AMMECR1: variants seen among roughly 807,000 people sequenced by gnomAD.
AMMECR1 encodes AMMECR nuclear protein 1, also known as nuclear protein AMMECR1.
AMMECR1 carries 3 observed loss-of-function variants against 22.5 expected under a neutral mutation model. The ratio of observed to expected loss-of-function variants is 0.13; its 90% CI spans 0.06 to 0.35. The LOEUF is 0.35. Among genes scored for constraint, AMMECR1 ranks in the 10% least tolerant of loss-of-function variants. AMMECR1 has a pLI of 1.00. For missense variants in AMMECR1, 235 were observed against 278.7 expected (o/e 0.84, Z 1.12); for synonymous variants, 130 against 116.7 (o/e 1.11, Z -0.74).
intron 1 of AMMECR1, among the ~76,000 whole-genome samples, chrX:110,284,862 A>AC (rs1053660930): frequency 1.9e-4 from 21 of 112,189 alleles, no homozygotes; most frequent in African/African-American, 6.5e-4. Flanking sequence ...GGTAGTCATC[A>AC]CCAGTGATGG....
chrX:110,291,186 C>T (rs1253739712), intron 1 of AMMECR1, among the ~76,000 whole-genome samples: 1 of 110,960 alleles, frequency 9.0e-6, no homozygotes, highest in East Asian at 2.8e-4. Context: ...AAGAAGAAGA[C>T]AGAAGCTTAC....
chrX:110,212,541 T>A (rs759243323), intron 3 of AMMECR1, among the ~76,000 whole-genome samples: 1 of 112,157 alleles, frequency 8.9e-6, no homozygotes, highest in East Asian at 2.8e-4. Context: ...TCTTCAACTT[T>A]AACATTCTGT....
intron 1 of AMMECR1, among the ~76,000 whole-genome samples, chrX:110,273,950 T>C (rs1259681821): frequency 8.9e-6 from 1 of 112,249 alleles, no homozygotes; most frequent in Non-Finnish European, 1.9e-5. Flanking sequence ...TGCTTTAGGA[T>C]TGCTTTGGCT....
At chrX:110,319,523 C>G (rs2068070948), upstream of AMMECR1, among the ~76,000 whole-genome samples, 2 of 112,002 alleles carry the variant, frequency 1.8e-5, no homozygotes, top group African/African-American at 3.3e-5. Context: ...AGTATGCCTC[C>G]CGCTCTAAAA....
At chrX:110,423,383 AAGG>A (rs1273161957) in intron 2 of AMMECR1, among the ~76,000 whole-genome samples, 2 of 110,173 alleles carry the variant, frequency 1.8e-5, no homozygotes, top group African/African-American at 6.6e-5. Context: ...GAAGAAGGAG[AAGG>A]AGAAGGAGAG....
intron 3 of AMMECR1, among the ~76,000 whole-genome samples, chrX:110,206,751 T>C (rs1201712713): frequency 9.0e-6 from 1 of 111,474 alleles, no homozygotes; most frequent in Non-Finnish European, 1.9e-5. Context: ...CTACCTTGGG[T>C]GGCATCCTGT....
chrX:110,252,124 T>A (rs1483841423), intron 2 of AMMECR1, among the ~76,000 whole-genome samples: 1 of 111,469 alleles, frequency 9.0e-6, no homozygotes, highest in African/African-American at 3.3e-5. Flanking sequence ...TATACCCATT[T>A]TACAGATGAG....
chrX:110,341,833 C>T (rs2068165547), intron 2 of AMMECR1, among the ~76,000 whole-genome samples: 1 of 112,145 alleles, frequency 8.9e-6, no homozygotes, highest in Non-Finnish European at 1.9e-5. Context: ...GAGGACGAGG[C>T]AGGTGGATAG....
chrX:110,248,540 G>A (rs2067671156), intron 2 of AMMECR1, among the ~76,000 whole-genome samples: 1 of 111,823 alleles, frequency 8.9e-6, no homozygotes, highest in African/African-American at 3.2e-5. Flanking sequence ...TACCAGTCAC[G>A]GATATATTTG....
chrX:110,362,798 A>G (rs2068272892), intron 2 of AMMECR1, among the ~76,000 whole-genome samples: 1 of 112,136 alleles, frequency 8.9e-6, no homozygotes, highest in African/African-American at 3.2e-5. Flanking sequence ...TCATTATTTT[A>G]TATAGTCTTC....
intron 2 of AMMECR1, among the ~76,000 whole-genome samples, chrX:110,249,713 A>G (rs950468496): frequency 8.9e-6 from 1 of 112,026 alleles, no homozygotes; most frequent in Non-Finnish European, 1.9e-5. Flanking sequence ...TATCCTGGCC[A>G]ACATTGTGAA....
chrX:110,377,474 T>C (rs1038240062), intron 2 of AMMECR1, among the ~76,000 whole-genome samples: 4 of 111,749 alleles, frequency 3.6e-5, no homozygotes, highest in Non-Finnish European at 5.6e-5. Flanking sequence ...GCTTTCTTTT[T>C]TTCTTTTAAT....
chrX:110,297,579 CTTTT>C (rs1047855066), intron 1 of AMMECR1, among the ~76,000 whole-genome samples: 2 of 107,985 alleles, frequency 1.9e-5, no homozygotes, highest in Non-Finnish European at 3.9e-5. Flanking sequence ...ACAAATCTAA[CTTTT>C]TTTTTTAACC....
chrX:110,245,633 ATCT>A (rs761731108), intron 2 of AMMECR1, among the ~76,000 whole-genome samples: 47 of 110,768 alleles, frequency 4.2e-4, no homozygotes, highest in Non-Finnish European at 8.1e-4. Flanking sequence ...TCTAGCCCAA[ATCT>A]TCTTCTTTGT....
chrX:110,331,815 C>G (rs918490213), intron 2 of AMMECR1, among the ~76,000 whole-genome samples: 7 of 111,773 alleles, frequency 6.3e-5, no homozygotes, highest in Admixed American at 1.9e-4. Flanking sequence ...TATCCTCCCC[C>G]CAAGACTTTG....
intron 1 of AMMECR1, among the ~76,000 whole-genome samples, chrX:110,268,270 A>G (rs1049359305): frequency 8.9e-6 from 1 of 111,977 alleles, no homozygotes; most frequent in Non-Finnish European, 1.9e-5. Flanking sequence ...GCGGGGAAGT[A>G]TCTGTGTCAA....
chrX:110,368,962 C>A (rs1225536512), intron 2 of AMMECR1, among the ~76,000 whole-genome samples: 1 of 111,924 alleles, frequency 8.9e-6, no homozygotes, highest in Non-Finnish European at 1.9e-5. Flanking sequence ...TGAGTTTAGT[C>A]TTTACATGAG....
At chrX:110,400,522 T>C (rs1421727440) in intron 2 of AMMECR1, among the ~76,000 whole-genome samples, 3 of 110,783 alleles carry the variant, frequency 2.7e-5, no homozygotes, top group Non-Finnish European at 5.7e-5. Context: ...TACAGTGTAA[T>C]CTCTCACCAG....
chrX:110,324,007 A>AT (rs754004526), intron 2 of AMMECR1, among the ~76,000 whole-genome samples: 1,881 of 98,940 alleles, frequency 0.019, 44 homozygotes, highest in African/African-American at 0.058. Flanking sequence ...TGTTCATTGT[A>AT]TTTTTTTTTT....
Sources: allele counts gnomAD v4.1 joint callset (sites outside exome capture counted in the v4.1 genomes callset), GRCh38; gene constraint gnomAD v4.1.1; transcripts MANE v1.5; gene names NCBI Gene and HGNC (gene_info 2026-07-23, HGNC 2026-07-21).